The following BACH2 variants were observed in gnomAD, a reference collection of about 807,000 sequenced individuals.
The protein encoded by BACH2 is transcription regulator protein BACH2.
Under a neutral mutation model 61.8 loss-of-function variants are expected in BACH2, and 5 were observed. That is an observed-to-expected ratio of 0.08 (90% CI 0.04 to 0.17). The LOEUF (loss-of-function observed/expected upper bound fraction) is 0.17, where lower values mean the gene tolerates loss of function less well. Among genes scored for constraint, BACH2 ranks in the 10% least tolerant of loss-of-function variants. BACH2 has a pLI of 1.00. For missense variants in BACH2, 824 were observed against 1,091.1 expected (o/e 0.76, Z 3.45); for synonymous variants, 446 against 440.1 (o/e 1.01, Z -0.17).
At chr6:90,117,325 G>A (rs1466832754) in intron 4 of BACH2, among the ~76,000 whole-genome samples, 1 of 152,064 alleles carries the variant, frequency 6.6e-6, no homozygotes, top group Non-Finnish European at 1.5e-5. Flanking sequence ...TTTCTCATCT[G>A]GGATTGACAG....
intron 4 of BACH2, among the ~76,000 whole-genome samples, chr6:90,120,890 T>C (rs76398012): frequency 0.035 from 5,054 of 146,302 alleles, 263 homozygotes; most frequent in African/African-American, 0.12. Flanking sequence ...TTAAATATTA[T>C]GTTGGCCCAT....
chr6:90,236,553 T>C (rs1357337945), intron 3 of BACH2, among the ~76,000 whole-genome samples: 2 of 152,146 alleles, frequency 1.3e-5, no homozygotes, highest in Admixed American at 1.3e-4. Flanking sequence ...GATGTTTAGT[T>C]TTGCCTTTAG....
At chr6:89,971,548 G>A (rs1023665022) in intron 6 of BACH2, among the ~76,000 whole-genome samples, 7 of 152,120 alleles carry the variant, frequency 4.6e-5, no homozygotes, top group East Asian at 1.9e-4. Context: ...CTGTCAGTAC[G>A]GTTCTTACTT....
At chr6:89,964,405 A>G (rs1265725122) in intron 6 of BACH2, among the ~76,000 whole-genome samples, 1 of 152,158 alleles carries the variant, frequency 6.6e-6, no homozygotes, top group Non-Finnish European at 1.5e-5. Context: ...ATTTAACACT[A>G]CTGAACTGTA....
chr6:89,947,355 G>A (rs1227957672), intron 7 of BACH2, among the ~76,000 whole-genome samples: 2 of 152,166 alleles, frequency 1.3e-5, no homozygotes, highest in Non-Finnish European at 2.9e-5. Context: ...TCCTCGAGCA[G>A]CAGTCATGGC....
At chr6:90,025,175 G>T (rs1183188013) in intron 5 of BACH2, among the ~76,000 whole-genome samples, 5 of 152,218 alleles carry the variant, frequency 3.3e-5, no homozygotes, top group Admixed American at 2.6e-4. Context: ...GTGGTGGTTG[G>T]TGGTGGTGGG....
chr6:90,174,915 A>G (rs1001068963), intron 4 of BACH2, among the ~76,000 whole-genome samples: 1 of 137,934 alleles, frequency 7.2e-6, no homozygotes, highest in Non-Finnish European at 1.5e-5. Context: ...TAGTAAAACT[A>G]AAAAAAAAAA....
chr6:90,046,511 G>C (rs1779784680), intron 5 of BACH2, among the ~76,000 whole-genome samples: 1 of 152,190 alleles, frequency 6.6e-6, no homozygotes, highest in African/African-American at 2.4e-5. Flanking sequence ...TTGTAAGCCT[G>C]GTACTAGGTA....
At chr6:90,094,790 C>A (rs768685724) in intron 4 of BACH2, among the ~76,000 whole-genome samples, 7 of 152,134 alleles carry the variant, frequency 4.6e-5, no homozygotes, top group Admixed American at 6.6e-5. Context: ...CTTCACCATG[C>A]CACTTCTGGT....
chr6:90,091,606 T>C (rs913812873), intron 4 of BACH2, among the ~76,000 whole-genome samples: 2 of 152,208 alleles, frequency 1.3e-5, no homozygotes, highest in South Asian at 4.1e-4. Context: ...AATTTTCATA[T>C]GCTAATAAAA....
intron 1 of BACH2, among the ~76,000 whole-genome samples, chr6:90,285,737 A>G (rs1306512692): frequency 1.3e-5 from 2 of 152,196 alleles, no homozygotes; most frequent in African/African-American, 4.8e-5. Context: ...CCAGCCCAGC[A>G]GCCCGGAGCT....
intron 6 of BACH2, among the ~76,000 whole-genome samples, chr6:89,966,156 G>A (rs1214473189): frequency 2.0e-5 from 3 of 152,164 alleles, no homozygotes; most frequent in African/African-American, 7.2e-5. Context: ...AGCAATGATA[G>A]TATTTCTACA....
chr6:90,245,727 T>C (rs1462661651), intron 3 of BACH2, among the ~76,000 whole-genome samples: 1 of 152,214 alleles, frequency 6.6e-6, no homozygotes, highest in African/African-American at 2.4e-5. Context: ...GAACTAGCTA[T>C]GAGGTGATCA....
intron 5 of BACH2, among the ~76,000 whole-genome samples, chr6:90,045,000 C>T (rs994242430): frequency 1.3e-5 from 2 of 152,180 alleles, no homozygotes; most frequent in Admixed American, 6.5e-5. Context: ...TATTTAAAAG[C>T]CACAAGACTG....
chr6:90,014,464 ATATATTTT>A (rs1244529629), intron 5 of BACH2, among the ~76,000 whole-genome samples: 1 of 56,406 alleles, frequency 1.8e-5, no homozygotes, highest in East Asian at 4.5e-4. Context: ...ATATATATAT[ATATATTTT>A]TTTTTTTTTT....
chr6:90,208,061 C>T (rs1446162619), intron 3 of BACH2, among the ~76,000 whole-genome samples: 1 of 152,036 alleles, frequency 6.6e-6, no homozygotes, highest in African/African-American at 2.4e-5. Context: ...ATACCACATG[C>T]GGATTAAAGA....
intron 4 of BACH2, among the ~76,000 whole-genome samples, chr6:90,185,791 C>A (rs1343345023): frequency 6.6e-6 from 1 of 152,196 alleles, no homozygotes; most frequent in Non-Finnish European, 1.5e-5. Context: ...TTCTGTCTTA[C>A]ACTGTAAACT....
At chr6:90,056,622 C>G (rs1181774863) in intron 5 of BACH2, among the ~76,000 whole-genome samples, 1 of 152,044 alleles carries the variant, frequency 6.6e-6, no homozygotes, top group Non-Finnish European at 1.5e-5. Flanking sequence ...CCAAGCGGAC[C>G]TAATAGACAT....
intron 1 of BACH2, among the ~76,000 whole-genome samples, chr6:90,294,929 T>C (rs903988227): frequency 2.0e-5 from 3 of 152,216 alleles, no homozygotes; most frequent in African/African-American, 7.2e-5. Flanking sequence ...AAATATCTCA[T>C]TAGGCATCAT....
Sources: gnomAD v4.1 joint callset for allele counts (sites outside exome capture counted in the v4.1 genomes callset) on GRCh38, gnomAD v4.1.1 for gene constraint, MANE v1.5 for transcripts, NCBI Gene and HGNC (gene_info 2026-07-23, HGNC 2026-07-21) for gene names.